Variants in ATP2C2 observed in about 807,000 individuals in gnomAD.
The protein encoded by ATP2C2 is ATPase secretory pathway Ca2+ transporting 2.
A neutral mutation model predicts 110.8 loss-of-function variants in ATP2C2; 171 were observed. That is an observed-to-expected ratio of 1.54 (90% CI 1.36 to 1.75). The LOEUF is 1.75. Ranked by LOEUF, ATP2C2 falls within the 40% of genes most tolerant of loss-of-function variation. The pLI, the probability that ATP2C2 is intolerant of heterozygous loss-of-function variation, is 0.00. For missense variants in ATP2C2, 1,963 were observed against 1,235.0 expected, an observed-to-expected ratio of 1.59 and a Z score of -8.84; for synonymous variants, 804 against 508.4, an observed-to-expected ratio of 1.58 and a Z score of -7.82.
chr16:84,414,854 G>T (rs980343796), intron 6 of ATP2C2, among the ~76,000 whole-genome samples: 5 of 152,122 alleles, frequency 3.3e-5, no homozygotes, highest in African/African-American at 1.2e-4. Context: ...CCATCGGAGG[G>T]TTTGGAGCAG....
chr16:84,401,159 A>G (rs554703451), intron 2 of ATP2C2, among the ~76,000 whole-genome samples: 18 of 150,696 alleles, frequency 1.2e-4, no homozygotes, highest in African/African-American at 4.4e-4. Context: ...AATGTCCTGG[A>G]GAGTTTCCCC....
intron 1 of ATP2C2, among the ~76,000 whole-genome samples, chr16:84,393,449 A>G (rs907001270): frequency 6.6e-6 from 1 of 152,068 alleles, no homozygotes; most frequent in East Asian, 1.9e-4. Context: ...CTTACAATGT[A>G]TTGGGTCCAG....
rs768877552 is a variant in ATP2C2 at position 84,440,863 on chromosome 16, G to A, written c.1216G>A (p.Gly406Arg). Residue 406 changes from glycine (G) to arginine (R), a missense_variant, in exon 14 of 27, where the codon GGA becomes AGA. Coordinates refer to ENST00000262429, the MANE Select transcript of ATP2C2 (RefSeq NM_014861.4). ...CTTCTGCCTCGCCCTGCAGGTCAGC[G>A]GAGTTGGGTATGACGGTCAAGGGAC... ...TSDGLRAEVS[G>R]VGYDGQGTVC... 1.8e-5 allele frequency: 29 copies of A among 1,612,720 alleles called. No homozygotes were observed. Among genetic ancestry groups the A allele is most frequent in the South Asian group, 9.9e-5 (9 of 90,502 alleles).
At chr16:84,424,599 T>TTTTTTTTTTTTTTTTTTC (rs376880864) in intron 10 of ATP2C2, among the ~76,000 whole-genome samples, 1 of 131,250 alleles carries the variant, frequency 7.6e-6, no homozygotes. Context: ...TTTTTTTTTT[T>TTTTTTTTTTTTTTTTTTC]AACATTTTGG....
chr16:84,426,274 A>G (rs1486973644), intron 11 of ATP2C2, among the ~76,000 whole-genome samples: 1 of 152,026 alleles, frequency 6.6e-6, no homozygotes, highest in African/African-American at 2.4e-5. Flanking sequence ...CTTTGAAACA[A>G]TTAGATCTCT....
chr16:84,385,794 A>G (rs1186028229), intron 1 of ATP2C2, among the ~76,000 whole-genome samples: 1 of 152,194 alleles, frequency 6.6e-6, no homozygotes, highest in Admixed American at 6.5e-5. Flanking sequence ...ACTCACTATC[A>G]TGAGCATGGG....
At position 84,455,071 on chromosome 16, in the gene ATP2C2, G is replaced by C. The variant is rs1453434712; in HGVS notation, c.2147+87G>C. The C allele has an allele frequency of 1.5e-5, 20 of 1,376,236 alleles. 1 individual carries two copies. Among genetic ancestry groups the C allele is most frequent in the Non-Finnish European group, 1.9e-5 (20 of 1,041,872 alleles). 85.3% of individuals were successfully genotyped at this position (1,376,236 alleles called of 1,614,324 possible). On this transcript the variant is annotated intron_variant, in intron 21 of 26. Transcript: ENST00000262429. Reference sequence around the variant, plus strand: ...TGGAACCTGCTACTGTGGAGATAGAGGGGGGGGTCTCGCGGAGTCCCCAGG... The same window carrying C: ...TGGAACCTGCTACTGTGGAGATAGACGGGGGGGTCTCGCGGAGTCCCCAGG...
chr16:84,407,546 C>G (rs916103496), intron 3 of ATP2C2: 3 of 152,312 alleles, frequency 2.0e-5, no homozygotes, highest in African/African-American at 7.2e-5. Context: ...ACACGGCTGA[C>G]TGCAGCCTCA....
intron 1 of ATP2C2, among the ~76,000 whole-genome samples, chr16:84,394,014 A>AAT (rs1567692267): frequency 1.1e-4 from 16 of 149,174 alleles, no homozygotes; most frequent in African/African-American, 2.5e-4. Flanking sequence ...AAAAAAATAA[A>AAT]AAAATAAAAA....
intron 1 of ATP2C2, among the ~76,000 whole-genome samples, chr16:84,383,605 T>C (rs1438190834): frequency 3.3e-5 from 5 of 152,146 alleles, no homozygotes; most frequent in African/African-American, 7.2e-5. Context: ...ACAAACACTA[T>C]AGCACATCCT....
At chr16:84,452,944 A>T (rs1224400566) in intron 18 of ATP2C2, among the ~76,000 whole-genome samples, 194 bp from the exon 19 acceptor site, 1 of 152,082 alleles carries the variant, frequency 6.6e-6, no homozygotes, top group African/African-American at 2.4e-5. Flanking sequence ...CCCATCTTTA[A>T]AGTGGGGATA....
At chr16:84,424,398 C>G (rs1443195360) in intron 10 of ATP2C2, among the ~76,000 whole-genome samples, 1 of 152,104 alleles carries the variant, frequency 6.6e-6, no homozygotes, top group African/African-American at 2.4e-5. Context: ...CTGCCTCAGC[C>G]TCCTGAATCT....
intron 11 of ATP2C2, among the ~76,000 whole-genome samples, chr16:84,435,019 C>G (rs1389787950): frequency 6.6e-6 from 1 of 152,196 alleles, no homozygotes; most frequent in Non-Finnish European, 1.5e-5. Context: ...CGGGCACAGC[C>G]CCTTGATCAG....
At position 84,448,640 on chromosome 16, in the gene ATP2C2, G is replaced by A. The variant is rs369706039; in HGVS notation, c.1611G>A (p.Arg537=). 486 of 1,613,962 alleles carry A rather than the reference G, an allele frequency of 3.0e-4. 2 individuals carry two copies. The South Asian group carries it at 5.0e-3, about 17-fold the overall frequency. The change falls in exon 17 of 27, where the codon AGG becomes AGA. Residue 537 remains arginine (R), a synonymous_variant. Transcript: ENST00000262429. ...CCCTGCCGCTGACGCCCCAGCAGAG[G>A]TCATTCTGCCTGCAGGAAGAGAAGA... is the stretch of plus-strand genomic sequence containing the variant. ...GIPLPLTPQQ[R]SFCLQEEKRM... is the part of the protein sequence containing the mutation.
intron 9 of ATP2C2, 74 bp downstream of exon 9, chr16:84,422,771 C>G (rs953161981): frequency 1.4e-6 from 2 of 1,431,038 alleles, no homozygotes; most frequent in Non-Finnish European, 1.9e-6. Flanking sequence ...TAATACCAGC[C>G]TTGCCTACTC....
chr16:84,408,888 A>G (rs534335664), intron 4 of ATP2C2, among the ~76,000 whole-genome samples: 5 of 152,090 alleles, frequency 3.3e-5, no homozygotes, highest in Non-Finnish European at 5.9e-5. Context: ...AATTCACATA[A>G]TAAAATATTG....
At chr16:84,415,392 T>C in intron 6 of ATP2C2, 91 bp from the exon 7 acceptor site, 2 of 1,066,246 alleles carry the variant, frequency 1.9e-6, no homozygotes, top group South Asian at 2.5e-5. Flanking sequence ...AAGAGAAAAG[T>C]GTGTTTCTAT....
intron 13 of ATP2C2, among the ~76,000 whole-genome samples, 167 bp downstream of exon 13, chr16:84,439,691 ACTTC>A (rs1389241351): frequency 2.0e-5 from 3 of 152,164 alleles, no homozygotes; most frequent in Non-Finnish European, 4.4e-5. Context: ...ATCATCCCAT[ACTTC>A]CTTTTAATAG....
chr16:84,406,566 G>T (rs1161222054), intron 3 of ATP2C2: 15 of 984,946 alleles, frequency 1.5e-5, no homozygotes, highest in Non-Finnish European at 1.8e-5. Flanking sequence ...TCTCCTTGAG[G>T]TCCCCTCCCT....
Sources: allele counts gnomAD v4.1 joint callset (sites outside exome capture counted in the v4.1 genomes callset), GRCh38; gene constraint gnomAD v4.1.1; transcripts MANE v1.5; gene names NCBI Gene and HGNC (gene_info 2026-07-23, HGNC 2026-07-21).